SLC2A9: variants seen among roughly 807,000 people sequenced by gnomAD.
SLC2A9 encodes the protein solute carrier family 2 member 9.
Under a neutral mutation model 50.6 loss-of-function variants are expected in SLC2A9, and 39 were observed. The observed-to-expected ratio is 0.77, with a 90% CI of 0.60 to 1.01. The LOEUF (loss-of-function observed/expected upper bound fraction) is 1.01, where lower values mean the gene tolerates loss of function less well. Among genes scored for constraint, SLC2A9 ranks in the 50% least tolerant of loss-of-function variants. The probability of loss-of-function intolerance (pLI) is 0.00; values close to 1 mark genes in which losing one functional copy is unlikely to be tolerated. For missense variants in SLC2A9, 686 were observed against 677.6 expected (o/e 1.01, Z -0.14); for synonymous variants, 324 against 276.9 (o/e 1.17, Z -1.69).
intron 10 of SLC2A9, among the ~76,000 whole-genome samples, chr4:9,838,242 CGAT>C (rs1727412666): frequency 6.6e-6 from 1 of 152,060 alleles, no homozygotes; most frequent in African/African-American, 2.4e-5. Context: ...ATGATGATGA[CGAT>C]GGTGCTTCTG....
chr4:9,972,360 A>G (rs1220026678), intron 5 of SLC2A9, among the ~76,000 whole-genome samples: 1 of 151,402 alleles, frequency 6.6e-6, no homozygotes, highest in Non-Finnish European at 1.5e-5. Context: ...CAAGAGAAAT[A>G]GCTAATTGAT....
intron 10 of SLC2A9, among the ~76,000 whole-genome samples, chr4:9,856,571 TA>T (rs1730744490): frequency 2.0e-5 from 3 of 152,156 alleles, no homozygotes; most frequent in Non-Finnish European, 4.4e-5. Flanking sequence ...TCGAAGAACT[TA>T]AAACAGAAAT....
chr4:9,897,804 G>A (rs1738843532), intron 8 of SLC2A9, among the ~76,000 whole-genome samples: 1 of 152,142 alleles, frequency 6.6e-6, no homozygotes, highest in South Asian at 2.1e-4. Flanking sequence ...GCAGGAGGGA[G>A]GTTGAATCGC....
intron 1 of SLC2A9, chr4:10,035,103 G>T (rs1764056192): frequency 6.6e-6 from 1 of 152,304 alleles, no homozygotes; most frequent in Non-Finnish European, 1.5e-5. Flanking sequence ...GTTTTGTCGA[G>T]TTGGCCCCCT....
At chr4:9,782,825 G>A (rs371407561) in intron 3 of SLC2A9, 2 of 1,613,278 alleles carry the variant, frequency 1.2e-6, no homozygotes, top group East Asian at 2.2e-5. Flanking sequence ...GGAGAGGGCC[G>A]CAGAGCACGC....
chr4:9,858,452 C>T (rs759380216), intron 10 of SLC2A9, among the ~76,000 whole-genome samples: 1 of 152,134 alleles, frequency 6.6e-6, no homozygotes, highest in Non-Finnish European at 1.5e-5. Context: ...AGGGTTTTTC[C>T]TTTGCATTCC....
At chr4:10,011,222 C>T (rs3796834) in intron 2 of SLC2A9, among the ~76,000 whole-genome samples, 48,854 of 152,018 alleles carry the variant, frequency 0.32, 9,133 homozygotes, top group African/African-American at 0.51. Context: ...CACCCATGAG[C>T]AAGAGGAGCT....
At chr4:10,014,927 C>T (rs567719569) in intron 2 of SLC2A9, among the ~76,000 whole-genome samples, 2 of 152,308 alleles carry the variant, frequency 1.3e-5, no homozygotes, top group Admixed American at 1.3e-4. Context: ...GGTTACATGA[C>T]CCCAAACCCC....
intron 10 of SLC2A9, among the ~76,000 whole-genome samples, chr4:9,838,792 C>T (rs958280959): frequency 2.0e-5 from 3 of 152,144 alleles, no homozygotes; most frequent in African/African-American, 7.2e-5. Flanking sequence ...GGATAAATGG[C>T]TAGCCATTTG....
intron 2 of SLC2A9, among the ~76,000 whole-genome samples, chr4:10,011,104 TG>T (rs1455833127): frequency 6.6e-6 from 1 of 152,212 alleles, no homozygotes. Context: ...TTGTCTTGGT[TG>T]GGCCCTTTTG....
chr4:10,008,319 G>C (rs1761149772), intron 2 of SLC2A9, among the ~76,000 whole-genome samples: 1 of 152,066 alleles, frequency 6.6e-6, no homozygotes, highest in African/African-American at 2.4e-5. Flanking sequence ...CACAGCCTGG[G>C]ACACCTGGAC....
intron 10 of SLC2A9, among the ~76,000 whole-genome samples, chr4:9,842,950 A>G (rs1728326370): frequency 6.6e-6 from 1 of 152,162 alleles, no homozygotes; most frequent in African/African-American, 2.4e-5. Flanking sequence ...CTATGTTATT[A>G]GCAACACCAC....
At chr4:10,017,692 T>C (rs1390375401) in intron 2 of SLC2A9, among the ~76,000 whole-genome samples, 2 of 152,214 alleles carry the variant, frequency 1.3e-5, no homozygotes, top group Non-Finnish European at 2.9e-5. Flanking sequence ...AGGAAAAGCC[T>C]GGAAGGCACC....
At chr4:9,807,321 C>T (rs1231374859) in intron 3 of SLC2A9, among the ~76,000 whole-genome samples, 2 of 152,176 alleles carry the variant, frequency 1.3e-5, no homozygotes, top group African/African-American at 4.8e-5. Flanking sequence ...AATGCCCTTT[C>T]TTCCTTGTTT....
intron 9 of SLC2A9, among the ~76,000 whole-genome samples, chr4:9,888,946 A>G (rs1001773136): frequency 6.6e-5 from 10 of 152,088 alleles, no homozygotes; most frequent in African/African-American, 2.4e-4. Flanking sequence ...GATTGATCCG[A>G]GCTGCCCCTG....
At chr4:9,946,588 A>C (rs1578023982) in intron 5 of SLC2A9, among the ~76,000 whole-genome samples, 1 of 152,180 alleles carries the variant, frequency 6.6e-6, no homozygotes, top group Non-Finnish European at 1.5e-5. Flanking sequence ...CCTACCTTAC[A>C]CAGCTATTTG....
intron 3 of SLC2A9, among the ~76,000 whole-genome samples, chr4:9,786,960 G>T (rs1345631003): frequency 1.1e-4 from 17 of 152,198 alleles, no homozygotes; most frequent in Admixed American, 1.1e-3. Context: ...GCACTCGAGA[G>T]GACTTGGCCA....
In SLC2A9 at chr4:9,887,599, A is replaced by G; in HGVS notation, c.1259T>C (p.Leu420Pro). ...WVPYLSIVGI[L>P]AIIASFCSGP... ...ACTGCAGAAAGAGGCGATGATGGCC[A>G]GAATGCCCACGATACTCAGGTAGGG... is the stretch of plus-strand genomic sequence containing the variant. Residue 420 changes from leucine to proline, a missense_variant, in exon 10 of 12, where the codon CTG becomes CCG. Physicochemically the swap from Leu to Pro is moderately conservative, Grantham distance 98. Transcript: ENST00000264784. 8 of 1,571,932 alleles carry G rather than the reference A, an allele frequency of 5.1e-6. No homozygotes were observed. Among genetic ancestry groups the G allele is most frequent in the Non-Finnish European group, 6.9e-6 (8 of 1,158,260 alleles).
chr4:9,854,576 G>A (rs1730450575), intron 10 of SLC2A9, among the ~76,000 whole-genome samples: 1 of 152,178 alleles, frequency 6.6e-6, no homozygotes, highest in Non-Finnish European at 1.5e-5. Context: ...CCAAAAAATT[G>A]AGAAGGATGG....
Sources: allele counts gnomAD v4.1 joint callset (sites outside exome capture counted in the v4.1 genomes callset), GRCh38; gene constraint gnomAD v4.1.1; transcripts MANE v1.5; gene names NCBI Gene and HGNC (gene_info 2026-07-23, HGNC 2026-07-21).